Variants in AFG2A observed in about 807,000 individuals in gnomAD.
AFG2A encodes the protein AAA ATPase AFG2A.
chr4:123,150,748 C>T, the AFG2A span, among the ~76,000 whole-genome samples: 1 of 152,196 alleles, frequency 6.6e-6, no homozygotes, highest in Non-Finnish European at 1.5e-5. Flanking sequence ...TGACTTCCTT[C>T]ACAGAATTAG....
chr4:123,252,189 A>G, the AFG2A span, among the ~76,000 whole-genome samples: 1 of 152,164 alleles, frequency 6.6e-6, no homozygotes, highest in South Asian at 2.1e-4. Flanking sequence ...TTTATTTAAC[A>G]AGAAAACCCT....
the AFG2A span, among the ~76,000 whole-genome samples, chr4:123,277,426 G>C: frequency 2.6e-5 from 4 of 152,274 alleles, no homozygotes; most frequent in Non-Finnish European, 5.9e-5. Context: ...TCTGCAAACA[G>C]GGATAGTTTG....
At chr4:123,007,190 G>A in the AFG2A span, among the ~76,000 whole-genome samples, 1 of 151,820 alleles carries the variant, frequency 6.6e-6, no homozygotes, top group Non-Finnish European at 1.5e-5. Context: ...ATTTTCTGAG[G>A]TGAGACTAAG....
the AFG2A span, chr4:122,934,303 T>C: frequency 1.2e-6 from 2 of 1,614,172 alleles, no homozygotes; most frequent in Non-Finnish European, 1.7e-6. Flanking sequence ...GCTAAGCCAG[T>C]TAGATCTGGA....
the AFG2A span, among the ~76,000 whole-genome samples, chr4:123,162,528 C>T: frequency 1.3e-5 from 2 of 151,958 alleles, no homozygotes; most frequent in African/African-American, 4.8e-5. Flanking sequence ...ATCAATGGGC[C>T]CACTGATGGC....
At chr4:123,098,343 A>G in the AFG2A span, among the ~76,000 whole-genome samples, 1 of 152,042 alleles carries the variant, frequency 6.6e-6, no homozygotes, top group African/African-American at 2.4e-5. Context: ...TAACATGTGC[A>G]TTACTTCACA....
chr4:122,923,090 G>A, the AFG2A span: 1 of 1,607,550 alleles, frequency 6.2e-7, no homozygotes, highest in South Asian at 1.1e-5. Flanking sequence ...CTCAGTTGAA[G>A]CGCGCACATT....
At chr4:122,951,841 C>T in the AFG2A span, among the ~76,000 whole-genome samples, 2 of 152,190 alleles carry the variant, frequency 1.3e-5, no homozygotes, top group Non-Finnish European at 2.9e-5. Context: ...AGACATTGGG[C>T]CCTGTCTATC....
the AFG2A span, chr4:123,056,314 T>C: frequency 7.1e-7 from 1 of 1,407,100 alleles, no homozygotes; most frequent in Non-Finnish European, 9.6e-7. Context: ...TGTATATTTT[T>C]TCTACTTCAT....
chr4:123,293,388 G>T, the AFG2A span, among the ~76,000 whole-genome samples: 1 of 152,228 alleles, frequency 6.6e-6, no homozygotes, highest in Non-Finnish European at 1.5e-5. Context: ...GGACTCAAAG[G>T]CTGCACTCTA....
chr4:123,092,808 C>T, the AFG2A span, among the ~76,000 whole-genome samples: 1 of 152,186 alleles, frequency 6.6e-6, no homozygotes, highest in East Asian at 1.9e-4. Flanking sequence ...CTAGGAGCCA[C>T]TCCCAGCTCC....
chr4:123,247,404 G>C, the AFG2A span, among the ~76,000 whole-genome samples: 79 of 152,100 alleles, frequency 5.2e-4, no homozygotes, highest in Middle Eastern at 0.017. Flanking sequence ...GTTTAACAGA[G>C]CCTATTGCTT....
the AFG2A span, among the ~76,000 whole-genome samples, chr4:123,169,865 T>A: frequency 6.6e-6 from 1 of 152,182 alleles, no homozygotes; most frequent in Non-Finnish European, 1.5e-5. Flanking sequence ...GTAAAATAGA[T>A]AAACGTAACA....
At chr4:123,006,973 AC>A in the AFG2A span, among the ~76,000 whole-genome samples, 2 of 149,744 alleles carry the variant, frequency 1.3e-5, no homozygotes, top group Middle Eastern at 3.4e-3. Flanking sequence ...GTAAAAGGAA[AC>A]CATGGTCTTG....
At chr4:123,312,756 A>G in the AFG2A span, among the ~76,000 whole-genome samples, 4 of 152,250 alleles carry the variant, frequency 2.6e-5, no homozygotes, top group African/African-American at 2.4e-5. Context: ...AATGAAGCCC[A>G]GAACTAATAG....
chr4:123,241,090 T>C, the AFG2A span, among the ~76,000 whole-genome samples: 1 of 152,176 alleles, frequency 6.6e-6, no homozygotes, highest in Non-Finnish European at 1.5e-5. Context: ...CAGGAAGAAG[T>C]TGAATCTCTG....
chr4:123,010,399 G>A, the AFG2A span, among the ~76,000 whole-genome samples: 25 of 47,188 alleles, frequency 5.3e-4, no homozygotes, highest in Admixed American at 1.9e-3. Context: ...ATGTTTTAAT[G>A]TATTTTTTTT....
the AFG2A span, among the ~76,000 whole-genome samples, chr4:123,161,215 T>C: frequency 6.6e-6 from 1 of 152,216 alleles, no homozygotes; most frequent in Non-Finnish European, 1.5e-5. Flanking sequence ...GATTTATGTA[T>C]GTCTAGCTAT....
chr4:123,023,506 T>C, the AFG2A span, among the ~76,000 whole-genome samples: 1 of 152,322 alleles, frequency 6.6e-6, no homozygotes, highest in South Asian at 2.1e-4. Flanking sequence ...GAGTATCCTA[T>C]ACCTATAATA....
Sources: allele counts gnomAD v4.1 joint callset (sites outside exome capture counted in the v4.1 genomes callset), GRCh38; gene constraint gnomAD v4.1.1; transcripts MANE v1.5; gene names NCBI Gene and HGNC (gene_info 2026-07-23, HGNC 2026-07-21).